The following NKAIN3 variants were observed in gnomAD, a reference collection of about 807,000 sequenced individuals.
NKAIN3 encodes sodium/potassium-transporting ATPase subunit beta-1-interacting protein 3.
Under a neutral mutation model 30.2 loss-of-function variants are expected in NKAIN3, and 25 were observed. That is an observed-to-expected ratio of 0.83 (90% CI 0.60 to 1.16). NKAIN3 has a LOEUF of 1.16. NKAIN3 is among the 50% of genes most tolerant of loss of function. NKAIN3 has a pLI of 0.00. For missense variants in NKAIN3, 225 were observed against 254.1 expected (o/e 0.89, Z 0.78); for synonymous variants, 91 against 89.6 (o/e 1.02, Z -0.09).
At chr8:62,786,439 G>T (rs980643557) in intron 4 of NKAIN3, among the ~76,000 whole-genome samples, 5 of 151,902 alleles carry the variant, frequency 3.3e-5, no homozygotes, top group Non-Finnish European at 7.4e-5. Context: ...ACTCCTAAGG[G>T]ATTGCCACCT....
In NKAIN3 at chr8:62,483,413, A is replaced by G. The variant is rs1806790209; in HGVS notation, c.55-96126A>G. ...CATGTTTCCTTGTAAACTCTTCAGC[A>G]TTTCATAAAGTATTATTCGGCTAGG... On this transcript the variant is annotated intron_variant, in intron 1 of 6. Coordinates refer to ENST00000623646, the MANE Select transcript of NKAIN3 (RefSeq NM_001304533.3). 3 of 211,600 alleles carry G rather than the reference A, an allele frequency of 1.4e-5. No individual in the cohort carries two copies. In the South Asian group the frequency reaches 2.9e-4, roughly 21 times the overall value. The allele number at this position is 211,600 out of a possible 1,614,324, so 13.1% of individuals were successfully genotyped here.
chr8:62,759,596 T>C lies in NKAIN3; in HGVS notation c.471+12467T>C, dbSNP rs560114353. 1.1e-4 allele frequency among the ~76,000 whole-genome samples: 16 copies of C among 152,162 alleles called. No homozygotes were observed. The South Asian group carries it at 3.1e-3, about 30-fold the overall frequency. The stretch of plus-strand genomic sequence containing the variant: ...GGTCATTAATTGGATAAGACAGCAA[T>C]TTAAAGAAAAATCCCAAAGATAATA... On this transcript the variant is annotated intron_variant, in intron 4 of 6. Transcript: ENST00000623646.
intron 4 of NKAIN3, among the ~76,000 whole-genome samples, chr8:62,915,823 C>T (rs979179216): frequency 1.3e-5 from 2 of 152,140 alleles, no homozygotes; most frequent in Non-Finnish European, 2.9e-5. Flanking sequence ...ACAAATACAG[C>T]AAAGGCTTTT....
intron 1 of NKAIN3, among the ~76,000 whole-genome samples, chr8:62,275,423 G>T (rs924244785): frequency 3.3e-5 from 5 of 152,116 alleles, no homozygotes; most frequent in African/African-American, 1.2e-4. Context: ...ATTTTGATTA[G>T]AAAAAGTGGA....
chr8:62,596,426 T>C (rs1054917603), intron 3 of NKAIN3, among the ~76,000 whole-genome samples: 1 of 152,034 alleles, frequency 6.6e-6, no homozygotes, highest in African/African-American at 2.4e-5. Flanking sequence ...ACTGCCACCT[T>C]TTTAGGTTTC....
At chr8:62,870,226 CTATA>C (rs1303010696) in intron 4 of NKAIN3, among the ~76,000 whole-genome samples, 1 of 136,632 alleles carries the variant, frequency 7.3e-6, no homozygotes, top group African/African-American at 2.6e-5. Context: ...ATATCTATAT[CTATA>C]TATAGATATC....
At chr8:62,613,845 C>G (rs2130195588) in intron 3 of NKAIN3, among the ~76,000 whole-genome samples, 1 of 152,192 alleles carries the variant, frequency 6.6e-6, no homozygotes, top group South Asian at 2.1e-4. Context: ...TTTTCATCTC[C>G]AGAATTTCTG....
At chr8:62,491,887 A>T (rs2129637614) in intron 1 of NKAIN3, among the ~76,000 whole-genome samples, 1 of 152,232 alleles carries the variant, frequency 6.6e-6, no homozygotes, top group Non-Finnish European at 1.5e-5. Context: ...GCCCATAAAG[A>T]CACCAAAAGA....
At chr8:62,723,891 A>G (rs941717515) in intron 3 of NKAIN3, among the ~76,000 whole-genome samples, 1 of 152,142 alleles carries the variant, frequency 6.6e-6, no homozygotes, top group African/African-American at 2.4e-5. Flanking sequence ...GAAGAGCATG[A>G]CATTTAAACG....
intron 5 of NKAIN3, among the ~76,000 whole-genome samples, chr8:62,924,863 C>T (rs35814161): frequency 0.11 from 16,043 of 152,148 alleles, 932 homozygotes; most frequent in East Asian, 0.17. Context: ...CCTGTGTTCC[C>T]ACATGGGCAA....
intron 3 of NKAIN3, among the ~76,000 whole-genome samples, chr8:62,704,213 A>AT (rs1380875386): frequency 6.6e-6 from 1 of 151,984 alleles, no homozygotes. Context: ...CTTCTAGAAG[A>AT]TTTTTTAACT....
chr8:62,449,444 T>A (rs1363268340), intron 1 of NKAIN3, among the ~76,000 whole-genome samples: 1 of 152,042 alleles, frequency 6.6e-6, no homozygotes, highest in Non-Finnish European at 1.5e-5. Flanking sequence ...ACTGTCAAAA[T>A]TATTTCTTTC....
At chr8:62,510,685 G>C (rs1807790185) in intron 1 of NKAIN3, among the ~76,000 whole-genome samples, 1 of 152,086 alleles carries the variant, frequency 6.6e-6, no homozygotes, top group African/African-American at 2.4e-5. Context: ...TTGAGGAGGA[G>C]GTGGAAGAGG....
chr8:62,897,161 G>A (rs981814426), intron 4 of NKAIN3, among the ~76,000 whole-genome samples: 3 of 152,182 alleles, frequency 2.0e-5, no homozygotes, highest in Non-Finnish European at 4.4e-5. Flanking sequence ...GTCTAAAGAG[G>A]AGGAACTTCT....
chr8:62,401,887 T>C (rs1803885471), intron 1 of NKAIN3, among the ~76,000 whole-genome samples: 1 of 151,764 alleles, frequency 6.6e-6, no homozygotes, highest in Non-Finnish European at 1.5e-5. Context: ...CAACACTGGG[T>C]CTCACCCAAG....
In NKAIN3 at chr8:62,965,289, A is replaced by G. The variant is rs879302390; in HGVS notation, c.604-65A>G. On this transcript the variant is annotated intron_variant, in intron 6 of 6. Coordinates refer to ENST00000623646, the MANE Select transcript of NKAIN3 (RefSeq NM_001304533.3). ...TTTTGCATTTCAAAAGGCCTCAATG[A>G]ATATAAAAGATATTTAGCTGTCAGC... is the stretch of plus-strand genomic sequence containing the variant. The G allele has an allele frequency of 1.6e-5, 16 of 985,622 alleles. No homozygotes were observed. In the Admixed American group the frequency reaches 4.9e-4, roughly 30 times the overall value. 61.1% of individuals were successfully genotyped at this position (985,622 alleles called of 1,614,324 possible). A position where few individuals can be genotyped will look rare whatever the true frequency, so the allele number is the denominator to read the frequency against.
intron 4 of NKAIN3, among the ~76,000 whole-genome samples, chr8:62,870,005 C>T (rs1439180839): frequency 6.6e-6 from 1 of 151,512 alleles, no homozygotes; most frequent in Non-Finnish European, 1.5e-5. Context: ...CTCCTGACCT[C>T]GTGATCCACC....
At chr8:62,475,059 C>T (rs1274359170) in intron 1 of NKAIN3, among the ~76,000 whole-genome samples, 1 of 152,090 alleles carries the variant, frequency 6.6e-6, no homozygotes, top group East Asian at 1.9e-4. Context: ...CTAAAGCCTA[C>T]TCATTTATAT....
chr8:62,555,966 G>A (rs1294931274), intron 1 of NKAIN3, among the ~76,000 whole-genome samples: 2 of 151,818 alleles, frequency 1.3e-5, no homozygotes, highest in Non-Finnish European at 2.9e-5. Context: ...GTATTTCAGT[G>A]AAATAAACAT....
Sources: allele counts gnomAD v4.1 joint callset (sites outside exome capture counted in the v4.1 genomes callset), GRCh38; gene constraint gnomAD v4.1.1; transcripts MANE v1.5; gene names NCBI Gene and HGNC (gene_info 2026-07-23, HGNC 2026-07-21).